The following GABRA1 variants were observed in gnomAD, a reference collection of about 807,000 sequenced individuals.
GABRA1 encodes gamma-aminobutyric acid type A receptor subunit alpha1.
GABRA1 carries 9 observed loss-of-function variants against 48.9 expected under a neutral mutation model. The ratio of observed to expected loss-of-function variants is 0.18; its 90% CI spans 0.11 to 0.32. The LOEUF is 0.32. Among genes scored for constraint, GABRA1 ranks in the 10% least tolerant of loss-of-function variants. The pLI, the probability that GABRA1 is intolerant of heterozygous loss-of-function variation, is 1.00. For missense variants in GABRA1, 285 were observed against 553.8 expected (o/e 0.51, Z 4.87); for synonymous variants, 210 against 198.7 (o/e 1.06, Z -0.48).
At chr5:161,890,758 AC>A (rs1212873335) in intron 7 of GABRA1, 139 bp from the exon 8 acceptor site, 11 of 752,400 alleles carry the variant, frequency 1.5e-5, no homozygotes, top group Middle Eastern at 3.6e-4. Flanking sequence ...CTGGATAAAA[AC>A]TTTTCCCTCC....
intron 7 of GABRA1, among the ~76,000 whole-genome samples, chr5:161,887,080 T>C (rs543296846): frequency 7.2e-5 from 11 of 152,198 alleles, no homozygotes; most frequent in Non-Finnish European, 1.5e-4. Context: ...TGCCATGCAA[T>C]GTTTTAAAAA....
At chr5:161,849,917 A>G (rs764603688) in intron 1 of GABRA1, among the ~76,000 whole-genome samples, 1 of 152,194 alleles carries the variant, frequency 6.6e-6, no homozygotes, top group Non-Finnish European at 1.5e-5. Context: ...TTCAACAATC[A>G]GATGGTGATT....
chr5:161,850,867 C>G lies in GABRA1; in HGVS notation c.57C>G (p.Ser19Arg). The G allele has an allele frequency of 6.2e-7, 1 of 1,613,728 alleles. No homozygotes were observed. The highest frequency in any genetic ancestry group is 8.5e-7 in the Non-Finnish European group (1 of 1,179,648). Residue 19 changes from serine to arginine, a missense_variant, in exon 2 of 10, where the codon AGC becomes AGG. Around this residue, in one of 6 missense-constraint regions of GABRA1, gnomAD observed 45 missense variants for 39.9 expected, o/e 1.13. Transcript: ENST00000393943. ...DCLWAWILLL[S>R]TLTGRSYGQP... ...TTTGGGCCTGGATCCTCCTTCTGAG[C>G]ACACTGACTGGAAGAAGGTGGGGAC...
chr5:161,884,894 T>C (rs1345251201), intron 7 of GABRA1, among the ~76,000 whole-genome samples: 1 of 152,142 alleles, frequency 6.6e-6, no homozygotes, highest in African/African-American at 2.4e-5. Context: ...GTCAAAATAA[T>C]GGAGGCCTTC....
At position 161,892,998 on chromosome 5, in the gene GABRA1, C is replaced by T. The variant is rs1464825542; in HGVS notation, c.856+1948C>T. 4.9e-5 allele frequency among the ~76,000 whole-genome samples: 5 copies of T among 102,526 alleles called. No homozygotes were observed. The East Asian group carries it at 1.4e-3, about 28-fold the overall frequency. 67.3% of individuals were successfully genotyped at this position (102,526 alleles called of 152,430 possible). A position where few individuals can be genotyped will look rare whatever the true frequency, so the allele number is the denominator to read the frequency against. On this transcript the variant is annotated intron_variant, in intron 8 of 9. Coordinates refer to ENST00000393943, the MANE Select transcript of GABRA1 (RefSeq NM_001127644.2). ...CAGCCTGGAGCAACAGAGCGAGACT[C>T]CTTCTCAAAAAAATAATAATAATAA...
At position 161,889,160 on chromosome 5, in the gene GABRA1, C is replaced by T. The variant is rs144863313; in HGVS notation, c.704-1738C>T. Among the ~76,000 whole-genome samples the T allele has an allele frequency of 9.1e-4, 138 of 152,048 alleles. 2 individuals carry two copies. In the East Asian group the frequency reaches 0.016, roughly 17 times the overall value. ...TTAATAATGAAAGCAGGCATAAGTG[C>T]GTAGATAATTTCCTGCTACAGAAAG... On this transcript the variant is annotated intron_variant, in intron 7 of 9. Transcript: ENST00000393943.
rs1448270762 is a variant in GABRA1 at position 161,891,932 on chromosome 5, AACT to A, written c.856+884_856+886del. On this transcript the variant is annotated intron_variant, in intron 8 of 9. Transcript: ENST00000393943. ...TCTATACAATTAGCCTGTATTACTT[AACT>A]ATAAAACAAATTCTATCTACTATTA... Among the ~76,000 whole-genome samples, 59 of 152,324 alleles carry A rather than the reference AACT, an allele frequency of 3.9e-4. No homozygotes were observed. The East Asian group carries it at 9.1e-3, about 23-fold the overall frequency.
intron 3 of GABRA1, among the ~76,000 whole-genome samples, chr5:161,857,975 G>GAAAGAAAAAAGTT (rs1344565803): frequency 2.8e-5 from 4 of 142,390 alleles, no homozygotes; most frequent in African/African-American, 1.0e-4. Context: ...GGGAAGATGT[G>GAAAGAAAAAAGTT]AAAGAAAAAA....
Position 161,881,985 on chromosome 5 carries a change from GAGA to G in GABRA1, c.560-570_560-568del, listed in dbSNP as rs1217089408. ...GGGGGAGGGGGAGGAGGAGGAGGAG[GAGA>G]AGGAGAAGGAGAAGGAGAAGAAGAA... On this transcript the variant is annotated intron_variant, in intron 6 of 9. Transcript: ENST00000393943. 7 of 150,748 alleles carry G rather than the reference GAGA, an allele frequency of 4.6e-5. No homozygotes were observed. The East Asian group carries it at 1.2e-3, about 25-fold the overall frequency. The allele number at this position is 150,748 out of a possible 1,614,324, so 9.3% of individuals were successfully genotyped here. A position where few individuals can be genotyped will look rare whatever the true frequency, so the allele number is the denominator to read the frequency against.
intron 9 of GABRA1, 21 bp downstream of exon 9, chr5:161,895,889 T>A: frequency 6.3e-7 from 1 of 1,577,740 alleles, no homozygotes; most frequent in Non-Finnish European, 8.7e-7. Flanking sequence ...TAATGGTCAC[T>A]GTAGTACATC....
chr5:161,885,684 T>C (rs1257690599), intron 7 of GABRA1, among the ~76,000 whole-genome samples: 1 of 152,190 alleles, frequency 6.6e-6, no homozygotes, highest in African/African-American at 2.4e-5. Context: ...AATTCCTTCC[T>C]TGGATACTAC....
intron 6 of GABRA1, among the ~76,000 whole-genome samples, chr5:161,879,935 A>G (rs1754539913): frequency 6.6e-6 from 1 of 152,212 alleles, no homozygotes; most frequent in South Asian, 2.1e-4. Context: ...CACTTTTGCT[A>G]ACAGCAGTGC....
intron 3 of GABRA1, among the ~76,000 whole-genome samples, chr5:161,856,257 A>G (rs931599430): frequency 2.6e-5 from 4 of 151,420 alleles, no homozygotes; most frequent in Admixed American, 6.6e-5. Context: ...GCTTACAGGA[A>G]TAACTACATT....
intron 7 of GABRA1, among the ~76,000 whole-genome samples, chr5:161,888,974 A>G (rs1754970717): frequency 1.3e-5 from 2 of 152,074 alleles, no homozygotes; most frequent in African/African-American, 4.8e-5. Context: ...TAACCAAATA[A>G]CTATTCTTCT....
intron 4 of GABRA1, among the ~76,000 whole-genome samples, chr5:161,869,942 G>A (rs1281738777): frequency 2.6e-5 from 4 of 152,206 alleles, no homozygotes; most frequent in African/African-American, 7.2e-5. Flanking sequence ...TCCTTCTAAA[G>A]AGAAACACAT....
chr5:161,895,995 C>T (rs538865638), intron 9 of GABRA1, 127 bp downstream of exon 9: 17 of 813,548 alleles, frequency 2.1e-5, no homozygotes, highest in African/African-American at 1.4e-4. Flanking sequence ...TTTCTTATGT[C>T]GTAAACAATT....
At chr5:161,882,314 C>T in intron 6 of GABRA1, 1 of 543,206 alleles carries the variant, frequency 1.8e-6, no homozygotes, top group Non-Finnish European at 3.3e-6. Context: ...ACTGTATCCC[C>T]AGCACAGTAT....
intron 7 of GABRA1, among the ~76,000 whole-genome samples, chr5:161,883,749 A>G (rs1019083111): frequency 5.9e-5 from 9 of 152,292 alleles, no homozygotes; most frequent in South Asian, 4.1e-4. Flanking sequence ...CCTCACAAGC[A>G]TAATACATTC....
At chr5:161,864,786 G>C (rs1246368652) in intron 3 of GABRA1, among the ~76,000 whole-genome samples, 1 of 142,094 alleles carries the variant, frequency 7.0e-6, no homozygotes, top group Non-Finnish European at 1.5e-5. Context: ...TTATTCCCGG[G>C]GAAAAATATA....
Sources: allele counts gnomAD v4.1 joint callset (sites outside exome capture counted in the v4.1 genomes callset), GRCh38; gene constraint gnomAD v4.1.1; regional missense constraint gnomAD v4.1.1; transcripts MANE v1.5; gene names NCBI Gene and HGNC (gene_info 2026-07-23, HGNC 2026-07-21).